The following CELF4 variants were observed in gnomAD, a reference collection of about 807,000 sequenced individuals.
CELF4 encodes the protein CUG-BP- and ETR-3-like factor 4.
CELF4 carries 18 observed loss-of-function variants against 59.9 expected under a neutral mutation model. That is an observed-to-expected ratio of 0.30 (90% CI 0.21 to 0.45). CELF4 has a LOEUF of 0.45. Among genes scored for constraint, CELF4 ranks in the 20% least tolerant of loss-of-function variants. The probability of loss-of-function intolerance (pLI) is 1.00; values close to 1 mark genes in which losing one functional copy is unlikely to be tolerated. For synonymous variants in CELF4, 261 were observed against 267.1 expected, an observed-to-expected ratio of 0.98 and a Z score of 0.22; for missense variants, 456 against 689.0, an observed-to-expected ratio of 0.66 and a Z score of 3.79.
chr18:37,273,511 G>A (rs2092288118), intron 6 of CELF4: 1 of 1,027,602 alleles, frequency 9.7e-7, no homozygotes, highest in African/African-American at 1.7e-5. Flanking sequence ...AGACATGCTG[G>A]ATGAGCCTCT....
intron 2 of CELF4, among the ~76,000 whole-genome samples, chr18:37,479,989 A>G (rs2099861831): frequency 6.6e-6 from 1 of 152,228 alleles, no homozygotes; most frequent in Non-Finnish European, 1.5e-5. Context: ...GGCTCCCAGA[A>G]GCGAGGAGAG....
intron 2 of CELF4, among the ~76,000 whole-genome samples, chr18:37,449,995 C>T (rs922876370): frequency 6.6e-6 from 1 of 152,154 alleles, no homozygotes; most frequent in East Asian, 1.9e-4. Context: ...AGGAGAAAAC[C>T]CAACTTCAGG....
chr18:37,450,689 C>T (rs561077016), intron 2 of CELF4, among the ~76,000 whole-genome samples: 203 of 152,180 alleles, frequency 1.3e-3, no homozygotes, highest in African/African-American at 4.5e-3. Context: ...GCTGACCCTA[C>T]GGGGCACCCG....
rs184231456 is a variant in CELF4, at chr18:37,307,702, A to C, written c.448+14101T>G. Reference sequence around the variant, plus strand: ...GAGATGGGCCTCATGGTACAAGCACAAGGAGGCTGTGGGGCCTGGTGGCCA... The same window carrying C: ...GAGATGGGCCTCATGGTACAAGCACCAGGAGGCTGTGGGGCCTGGTGGCCA... On this transcript the variant is annotated intron_variant, in intron 3 of 12. Coordinates refer to ENST00000420428, the MANE Select transcript of CELF4 (RefSeq NM_020180.4). Among the ~76,000 whole-genome samples, 216 of 152,182 alleles carry C rather than the reference A, an allele frequency of 1.4e-3. 1 individual carries two copies. In the Middle Eastern group the frequency reaches 0.024, roughly 17 times the overall value.
At chr18:37,513,050 G>A (rs920155493) in intron 1 of CELF4, among the ~76,000 whole-genome samples, 32 of 152,162 alleles carry the variant, frequency 2.1e-4, no homozygotes, top group African/African-American at 5.1e-4. Context: ...AGACCCAGGC[G>A]AAAGTGAGAA....
Position 37,274,904 on chromosome 18 carries a change from C to T in CELF4, c.578-20G>A. 1 of 1,601,540 alleles carries T rather than the reference C, an allele frequency of 6.2e-7. No homozygotes were observed. The highest frequency in any genetic ancestry group is 8.5e-7 in the Non-Finnish European group (1 of 1,174,848). ...CGCACCCTGCGAGGACGCGAGAGGCCGAGCTGGGACCCAGAAGCAGGGCCA... is the reference window on the plus strand; with the variant it reads ...CGCACCCTGCGAGGACGCGAGAGGCTGAGCTGGGACCCAGAAGCAGGGCCA... On this transcript the variant is annotated intron_variant, in intron 4 of 12. Transcript: ENST00000420428.
intron 1 of CELF4, among the ~76,000 whole-genome samples, chr18:37,516,386 T>C (rs887034517): frequency 1.3e-5 from 2 of 152,126 alleles, no homozygotes; most frequent in Non-Finnish European, 2.9e-5. Flanking sequence ...CCCTGCTAGC[T>C]CTAGTCCTCA....
At chr18:37,353,274 G>T (rs1390382510) in intron 2 of CELF4, among the ~76,000 whole-genome samples, 3 of 149,268 alleles carry the variant, frequency 2.0e-5, no homozygotes, top group Non-Finnish European at 4.4e-5. Flanking sequence ...TTCTTGGGGG[G>T]CTTAGGGACC....
At chr18:37,564,703 C>A (rs2099987605) in intron 1 of CELF4, among the ~76,000 whole-genome samples, 1 of 151,976 alleles carries the variant, frequency 6.6e-6, no homozygotes. Context: ...CTAATTCTTG[C>A]CTTAGGTTTT....
At chr18:37,484,261 A>G (rs143590220) in intron 2 of CELF4, among the ~76,000 whole-genome samples, 1 of 152,330 alleles carries the variant, frequency 6.6e-6, no homozygotes, top group East Asian at 1.9e-4. Flanking sequence ...TTATCCTACA[A>G]TATGGCTTTA....
chr18:37,530,144 C>T (rs1397762160), intron 1 of CELF4, among the ~76,000 whole-genome samples: 3 of 152,146 alleles, frequency 2.0e-5, no homozygotes, highest in Non-Finnish European at 4.4e-5. Context: ...TCCTGCACTT[C>T]GGGTGAAAGT....
At chr18:37,329,720 C>T (rs890297835) in intron 2 of CELF4, among the ~76,000 whole-genome samples, 1 of 152,230 alleles carries the variant, frequency 6.6e-6, no homozygotes. Context: ...TGAGCAGAGA[C>T]TCCAAGCCCC....
intron 1 of CELF4, among the ~76,000 whole-genome samples, chr18:37,518,569 C>T (rs1031533450): frequency 1.1e-4 from 17 of 152,144 alleles, no homozygotes; most frequent in African/African-American, 3.4e-4. Flanking sequence ...TCAGAGCCAC[C>T]GTGAGCTTGG....
At chr18:37,323,045 A>C (rs1383275263) in intron 2 of CELF4, among the ~76,000 whole-genome samples, 1 of 152,148 alleles carries the variant, frequency 6.6e-6, no homozygotes, top group East Asian at 1.9e-4. Context: ...TGGACCAGCC[A>C]GTCACAAGCT....
intron 2 of CELF4, among the ~76,000 whole-genome samples, chr18:37,415,017 C>T (rs969454753): frequency 6.6e-6 from 1 of 152,198 alleles, no homozygotes; most frequent in Non-Finnish European, 1.5e-5. Context: ...TTGCAGTCTA[C>T]TAGGGAAGAT....
At chr18:37,370,882 G>T (rs188722202) in intron 2 of CELF4, among the ~76,000 whole-genome samples, 1 of 152,152 alleles carries the variant, frequency 6.6e-6, no homozygotes, top group African/African-American at 2.4e-5. Context: ...CCCAGAACTG[G>T]TTGAAACAGC....
rs576127356 is a variant in CELF4 at position 37,429,169 on chromosome 18, G to A, written c.369+56356C>T. On this transcript the variant is annotated intron_variant, in intron 2 of 12. Coordinates refer to ENST00000420428, the MANE Select transcript of CELF4 (RefSeq NM_020180.4). ...TGGGGCCATCGCTGGCTACGTGGGA[G>A]GTGTTCCTCTGAGTACTTGTTCTGA... Among the ~76,000 whole-genome samples, 10 of 152,314 alleles carry A rather than the reference G, an allele frequency of 6.6e-5. No individual in the cohort carries two copies. The East Asian group carries it at 1.5e-3, about 23-fold the overall frequency.
intron 2 of CELF4, among the ~76,000 whole-genome samples, chr18:37,415,356 T>C (rs2099519087): frequency 6.6e-6 from 1 of 152,182 alleles, no homozygotes; most frequent in African/African-American, 2.4e-5. Flanking sequence ...AACACTTTCT[T>C]TCCCATCACC....
At chr18:37,345,679 T>A in intron 2 of CELF4, among the ~76,000 whole-genome samples, 1 of 152,202 alleles carries the variant, frequency 6.6e-6, no homozygotes, top group African/African-American at 2.4e-5. Context: ...AGGAAGCTGC[T>A]GGTTGGGAAC....
Sources: gnomAD v4.1 joint callset for allele counts (sites outside exome capture counted in the v4.1 genomes callset) on GRCh38, gnomAD v4.1.1 for gene constraint, MANE v1.5 for transcripts, NCBI Gene and HGNC (gene_info 2026-07-23, HGNC 2026-07-21) for gene names.